Variants in SUGCT observed in about 807,000 individuals in gnomAD.
SUGCT encodes succinyl-CoA:glutarate-CoA transferase.
SUGCT carries 41 observed loss-of-function variants against 55.0 expected under a neutral mutation model. The ratio of observed to expected loss-of-function variants is 0.74; its 90% CI spans 0.58 to 0.97. SUGCT has a LOEUF of 0.97. Among genes scored for constraint, SUGCT ranks in the 50% least tolerant of loss-of-function variants. SUGCT has a pLI of 0.00. For missense variants in SUGCT, 568 were observed against 547.8 expected (o/e 1.04, Z -0.37); for synonymous variants, 187 against 200.4 (o/e 0.93, Z 0.56).
At chr7:40,873,482 A>G in the SUGCT span, among the ~76,000 whole-genome samples, 2 of 152,160 alleles carry the variant, frequency 1.3e-5, no homozygotes, top group Non-Finnish European at 2.9e-5. Context: ...TCCCGGGCCC[A>G]CCCATTCCAT....
At chr7:40,609,905 A>G (rs567630493) in intron 12 of SUGCT, among the ~76,000 whole-genome samples, 2 of 152,302 alleles carry the variant, frequency 1.3e-5, no homozygotes, top group African/African-American at 4.8e-5. Context: ...ATTTTCCTTT[A>G]TAATGGAGTA....
At chr7:40,903,570 T>G in the SUGCT span, among the ~76,000 whole-genome samples, 1 of 152,146 alleles carries the variant, frequency 6.6e-6, no homozygotes, top group Admixed American at 6.5e-5. Context: ...AAGGCCTGCC[T>G]TTTGGTTATA....
chr7:40,392,617 T>C (rs1417827456), intron 9 of SUGCT, among the ~76,000 whole-genome samples: 1 of 152,156 alleles, frequency 6.6e-6, no homozygotes, highest in Non-Finnish European at 1.5e-5. Context: ...TTATCTTGTA[T>C]GACAGAGAGA....
intron 13 of SUGCT, among the ~76,000 whole-genome samples, chr7:40,846,385 A>C (rs1563044651): frequency 6.6e-6 from 1 of 151,968 alleles, no homozygotes; most frequent in Non-Finnish European, 1.5e-5. Context: ...AAAAAAAAAA[A>C]AAACAGTCAG....
intron 8 of SUGCT, among the ~76,000 whole-genome samples, chr7:40,292,832 C>T (rs1793872948): frequency 6.6e-6 from 1 of 152,100 alleles, no homozygotes; most frequent in Non-Finnish European, 1.5e-5. Context: ...ACTACAGAAG[C>T]TCTTGACTTG....
intron 8 of SUGCT, among the ~76,000 whole-genome samples, chr7:40,290,924 A>G (rs901070760): frequency 2.0e-5 from 3 of 152,256 alleles, no homozygotes; most frequent in Admixed American, 6.5e-5. Context: ...ATTACTGGCC[A>G]TCAGAGAAAT....
intron 13 of SUGCT, among the ~76,000 whole-genome samples, chr7:40,817,678 A>G (rs991636798): frequency 6.6e-6 from 1 of 152,212 alleles, no homozygotes; most frequent in Non-Finnish European, 1.5e-5. Context: ...GGTTGGAGCC[A>G]TGAACATATA....
chr7:41,018,102 C>T, the SUGCT span, among the ~76,000 whole-genome samples: 1 of 151,978 alleles, frequency 6.6e-6, no homozygotes, highest in Non-Finnish European at 1.5e-5. Context: ...CTGACCAGAT[C>T]ATCTTTGGTC....
chr7:40,594,912 T>A (rs1797921898), intron 12 of SUGCT, among the ~76,000 whole-genome samples: 1 of 152,152 alleles, frequency 6.6e-6, no homozygotes, highest in Admixed American at 6.5e-5. Flanking sequence ...GAAGATGAGA[T>A]CCTCAAAGCA....
chr7:40,919,518 C>T, the SUGCT span, among the ~76,000 whole-genome samples: 7 of 152,208 alleles, frequency 4.6e-5, no homozygotes, highest in Non-Finnish European at 8.8e-5. Context: ...GTTGTAACGA[C>T]TGATTGACAG....
chr7:40,832,636 A>T (rs1401494844), intron 13 of SUGCT, among the ~76,000 whole-genome samples: 2 of 148,418 alleles, frequency 1.3e-5, no homozygotes, highest in African/African-American at 2.5e-5. Context: ...CAGGCCAGAT[A>T]TACCTATTGC....
chr7:40,215,511 A>C (rs938502708), intron 6 of SUGCT, among the ~76,000 whole-genome samples: 5 of 152,122 alleles, frequency 3.3e-5, no homozygotes, highest in Non-Finnish European at 5.9e-5. Flanking sequence ...AACAATGGCT[A>C]GTGAGTTTCA....
the SUGCT span, among the ~76,000 whole-genome samples, chr7:41,017,697 G>A: frequency 2.6e-5 from 4 of 151,354 alleles, no homozygotes; most frequent in Admixed American, 6.6e-5. Flanking sequence ...CGTGAACCCT[G>A]GAGACAGAGC....
intron 13 of SUGCT, among the ~76,000 whole-genome samples, chr7:40,782,979 A>G (rs147312642): frequency 1.6e-3 from 237 of 152,290 alleles, no homozygotes; most frequent in African/African-American, 5.3e-3. Context: ...TCAGTGAGAG[A>G]AAAACTTCCA....
chr7:40,777,206 A>G (rs1332908311), intron 13 of SUGCT, among the ~76,000 whole-genome samples: 1 of 152,172 alleles, frequency 6.6e-6, no homozygotes, highest in East Asian at 1.9e-4. Flanking sequence ...AATGAAATGC[A>G]TATTCTTCTT....
intron 1 of SUGCT, among the ~76,000 whole-genome samples, chr7:40,140,617 T>C (rs1028544379): frequency 6.6e-6 from 1 of 152,124 alleles, no homozygotes; most frequent in Non-Finnish European, 1.5e-5. Context: ...GTAAAGCTGG[T>C]CTTGAACTCC....
At chr7:40,278,533 G>A (rs1792696605) in intron 8 of SUGCT, among the ~76,000 whole-genome samples, 1 of 152,192 alleles carries the variant, frequency 6.6e-6, no homozygotes, top group East Asian at 1.9e-4. Flanking sequence ...CAGCTTACCT[G>A]AAGTGCAAGG....
intron 11 of SUGCT, among the ~76,000 whole-genome samples, chr7:40,495,203 C>T (rs573228320): frequency 3.0e-4 from 45 of 151,090 alleles, no homozygotes; most frequent in African/African-American, 1.0e-3. Flanking sequence ...TGAGCCACCA[C>T]GCCCGGCTGA....
chr7:40,268,799 C>G (rs928533419), intron 7 of SUGCT, among the ~76,000 whole-genome samples: 1 of 151,880 alleles, frequency 6.6e-6, no homozygotes, highest in Non-Finnish European at 1.5e-5. Context: ...CCACCGTGCC[C>G]GGTTAATTTT....
Sources: allele counts gnomAD v4.1 joint callset (sites outside exome capture counted in the v4.1 genomes callset), GRCh38; gene constraint gnomAD v4.1.1; transcripts MANE v1.5; gene names NCBI Gene and HGNC (gene_info 2026-07-23, HGNC 2026-07-21).